Variants in PDCD4 observed in about 807,000 individuals in gnomAD.
The protein encoded by PDCD4 is programmed cell death 4.
Under a neutral mutation model 54.0 loss-of-function variants are expected in PDCD4, and 56 were observed. That is an observed-to-expected ratio of 1.04 (90% CI 0.84 to 1.30). PDCD4 has a LOEUF of 1.30. Ranked by LOEUF, PDCD4 falls within the 50% of genes most tolerant of loss-of-function variation. PDCD4 has a pLI of 0.00. For missense variants in PDCD4, 584 were observed against 559.8 expected, an observed-to-expected ratio of 1.04 and a Z score of -0.44; for synonymous variants, 186 against 194.8, an observed-to-expected ratio of 0.95 and a Z score of 0.37.
At chr10:110,897,260 T>C (rs1845852796) in intron 11 of PDCD4, among the ~76,000 whole-genome samples, 1 of 152,266 alleles carries the variant, frequency 6.6e-6, no homozygotes, top group Non-Finnish European at 1.5e-5. Context: ...AAACTTTCTG[T>C]GTATACATAC....
In PDCD4 at chr10:110,894,479, C is replaced by T; in HGVS notation, c.1166C>T (p.Ser389Phe). 1 of 1,568,818 alleles carries T rather than the reference C, an allele frequency of 6.4e-7. No homozygotes were observed. The highest frequency in any genetic ancestry group is 8.8e-7 in the Non-Finnish European group (1 of 1,140,724). The part of the protein sequence containing the change: ...TFKMILDLLK[S>F]LWKSSTITVD... ...AAGATGATTTTGGATTTATTAAAGT[C>T]CCTTTGGAAGTCTTCTACCATTACT... The change falls in exon 10 of 12, where the codon TCC (serine) becomes TTC (phenylalanine). Residue 389 changes from serine (S) to phenylalanine (F), a missense_variant. By Grantham distance (155) the Ser-to-Phe change is radical. Transcript: ENST00000280154.
intron 6 of PDCD4, 135 bp from the exon 7 acceptor site, chr10:110,889,398 T>TTA: frequency 1.6e-6 from 1 of 638,208 alleles, no homozygotes; most frequent in Non-Finnish European, 2.8e-6. Context: ...GGTTTTTTTT[T>TTA]AAAAAAAAAT....
Position 110,898,010 on chromosome 10 carries a change from T to A in PDCD4, c.1350-18T>A. On this transcript the variant is annotated intron_variant, in intron 11 of 11. Transcript: ENST00000280154. ...GAATTTGTATCTGTTTTCATGTCTT[T>A]TTTTTTCTTCATTACAGGGGCAGAA... 6.4e-7 allele frequency: 1 copy of A among 1,563,880 alleles called. No homozygotes were observed.
In PDCD4 at chr10:110,895,946, A is replaced by G; in HGVS notation, c.1210-2A>G. The stretch of plus-strand genomic sequence containing the variant: ...ATTCTGCATGTAATTTCATTGTTGT[A>G]GGGTTATGAGAGAATTTACAATGAA... On this transcript the variant is annotated splice_acceptor_variant, in intron 10 of 11. Coordinates refer to ENST00000280154, the MANE Select transcript of PDCD4 (RefSeq NM_014456.5). LOFTEE classifies it high-confidence loss of function. The G allele has an allele frequency of 6.3e-7, 1 of 1,584,830 alleles. No homozygotes were observed. The highest frequency in any genetic ancestry group is 8.6e-7 in the Non-Finnish European group (1 of 1,166,234).
chr10:110,878,645 G>A (rs1279710392), intron 2 of PDCD4, among the ~76,000 whole-genome samples: 3 of 152,124 alleles, frequency 2.0e-5, no homozygotes, highest in Non-Finnish European at 4.4e-5. Flanking sequence ...ATACTCTGCT[G>A]TATTCTAGTT....
At chr10:110,889,221 C>CAA (rs34424151) in intron 6 of PDCD4, among the ~76,000 whole-genome samples, 9 of 70,428 alleles carry the variant, frequency 1.3e-4, no homozygotes, top group African/African-American at 1.7e-4. Context: ...GACTCTGTCT[C>CAA]AAAAAAAAAA....
intron 2 of PDCD4, among the ~76,000 whole-genome samples, chr10:110,880,051 T>C (rs1845567637): frequency 6.6e-6 from 1 of 152,208 alleles, no homozygotes; most frequent in African/African-American, 2.4e-5. Flanking sequence ...TGAACAAAAC[T>C]GTGGCCCAGT....
At chr10:110,878,722 A>T (rs1254972634) in intron 2 of PDCD4, among the ~76,000 whole-genome samples, 1 of 152,176 alleles carries the variant, frequency 6.6e-6, no homozygotes, top group East Asian at 1.9e-4. Flanking sequence ...TCCTTTCTAG[A>T]TATGTAACTT....
intron 1 of PDCD4, among the ~76,000 whole-genome samples, chr10:110,874,032 G>A (rs934518184): frequency 2.6e-5 from 4 of 152,146 alleles, no homozygotes; most frequent in Non-Finnish European, 2.9e-5. Flanking sequence ...CTTCCTGTGG[G>A]ATATTAAAAT....
At chr10:110,897,974 G>A (rs1845870855) in intron 11 of PDCD4, 54 bp from the exon 12 acceptor site, 2 of 1,264,644 alleles carry the variant, frequency 1.6e-6, no homozygotes, top group Admixed American at 4.2e-5. Context: ...TTTATATATT[G>A]ACTATAGTCA....
intron 5 of PDCD4, among the ~76,000 whole-genome samples, chr10:110,885,774 G>A (rs1301476458): frequency 1.3e-5 from 2 of 151,384 alleles, no homozygotes; most frequent in Non-Finnish European, 2.9e-5. Context: ...TTTATTTCAC[G>A]TATGTTCAGA....
chr10:110,886,163 G>A (rs1845666814), intron 5 of PDCD4, among the ~76,000 whole-genome samples: 1 of 152,154 alleles, frequency 6.6e-6, no homozygotes, highest in African/African-American at 2.4e-5. Context: ...GAAATGATAT[G>A]TAAACAGATT....
rs146539583 is a variant in PDCD4, at chr10:110,877,318, C to T, written c.43+1248C>T. On this transcript the variant is annotated intron_variant, in intron 2 of 11. Transcript: ENST00000280154. The stretch of plus-strand genomic sequence containing the variant: ...TACTCCTGGGCTCAAGTGATCCTCC[C>T]TCTTCAGCCTCCTCAGTAGCTGGAT... Among the ~76,000 whole-genome samples, 268 of 152,312 alleles carry T rather than the reference C, an allele frequency of 1.8e-3. 2 individuals are homozygous for T. Among genetic ancestry groups the T allele is most frequent in the African/African-American group, 6.0e-3 (249 of 41,560 alleles).
rs1427468584 is a variant in PDCD4, at chr10:110,898,194, G to C, written c.*106G>C. ...TTTTTTTTTTAAGCACTTGTTTTGG[G>C]TACAAGGCATTTCTGACATTTTATA... On this transcript the variant is annotated 3_prime_UTR_variant, in exon 12 of 12. Transcript: ENST00000280154. 1 of 504,452 alleles carries C rather than the reference G, an allele frequency of 2.0e-6. No homozygotes were observed. The highest frequency in any genetic ancestry group is 3.3e-6 in the Non-Finnish European group (1 of 302,996). The allele number at this position is 504,452 out of a possible 1,614,324, so 31.2% of individuals were successfully genotyped here. A position where few individuals can be genotyped will look rare whatever the true frequency, so the allele number is the denominator to read the frequency against.
At chr10:110,881,115 A>G in intron 2 of PDCD4, 118 bp from the exon 3 acceptor site, 1 of 688,632 alleles carries the variant, frequency 1.5e-6, no homozygotes, top group Non-Finnish European at 2.4e-6. Flanking sequence ...TGTGACTGTA[A>G]TTTACCTACA....
At chr10:110,875,916 C>T (rs886921103) in intron 1 of PDCD4, 50 bp from the exon 2 acceptor site, 3 of 698,708 alleles carry the variant, frequency 4.3e-6, no homozygotes, top group Middle Eastern at 2.9e-4. Context: ...AGCTTAATTA[C>T]ATCAGTTTAA....
Position 110,899,387 on chromosome 10 carries a change from T to C in PDCD4, c.*1299T>C, listed in dbSNP as rs576331563. 6.6e-6 allele frequency: 1 copy of C among 152,356 alleles called. No homozygotes were observed. Among genetic ancestry groups the C allele is most frequent in the East Asian group, 1.9e-4 (1 of 5,184 alleles). 9.4% of individuals were successfully genotyped at this position (152,356 alleles called of 1,614,324 possible). A position where few individuals can be genotyped will look rare whatever the true frequency, so the allele number is the denominator to read the frequency against. On this transcript the variant is annotated 3_prime_UTR_variant, in exon 12 of 12. Transcript: ENST00000280154. ...TCAGCTTATATATAGTTACCATTTTTAGGTTTTTAATTGTTTGACACTTGG... is the reference window on the plus strand; with the variant it reads ...TCAGCTTATATATAGTTACCATTTTCAGGTTTTTAATTGTTTGACACTTGG...
chr10:110,890,710 T>C, intron 8 of PDCD4, 40 bp downstream of exon 8: 1 of 1,262,228 alleles, frequency 7.9e-7, no homozygotes, highest in Non-Finnish European at 1.1e-6. Context: ...TTTATATGTA[T>C]TCCTCTGAGT....
At chr10:110,884,504 T>C (rs1465057725) in intron 4 of PDCD4, among the ~76,000 whole-genome samples, 1 of 152,186 alleles carries the variant, frequency 6.6e-6, no homozygotes, top group African/African-American at 2.4e-5. Flanking sequence ...CTTTGTGTTA[T>C]ACTTTTTATT....
Sources: allele counts gnomAD v4.1 joint callset (sites outside exome capture counted in the v4.1 genomes callset), GRCh38; gene constraint gnomAD v4.1.1; transcripts MANE v1.5; gene names NCBI Gene and HGNC (gene_info 2026-07-23, HGNC 2026-07-21).